Variants in CDC73 observed in about 807,000 individuals in gnomAD.
CDC73 encodes the protein cell division cycle 73, also known as parafibromin.
CDC73 carries 21 observed loss-of-function variants against 83.7 expected under a neutral mutation model. The ratio of observed to expected loss-of-function variants is 0.25; its 90% confidence interval spans 0.18 to 0.36. CDC73 has a LOEUF of 0.36. Ranked by LOEUF, CDC73 falls within the 10% of genes least tolerant of loss-of-function variation. The pLI, the probability that CDC73 is intolerant of heterozygous loss-of-function variation, is 1.00. For missense variants in CDC73, 342 were observed against 653.3 expected, an observed-to-expected ratio of 0.52 and a Z score of 5.19; for synonymous variants, 224 against 212.9, an observed-to-expected ratio of 1.05 and a Z score of -0.45.
At chr1:193,125,702 G>T (rs545830712) in intron 2 of CDC73, among the ~76,000 whole-genome samples, 7 of 151,398 alleles carry the variant, frequency 4.6e-5, no homozygotes, top group Non-Finnish European at 1.0e-4. Context: ...TCAGTCTCCT[G>T]AGAAACTGGG....
rs1553287416 is a variant in CDC73, at chr1:193,204,287, A to ATATT, written c.1030+436_1030+437insATTT. On this transcript the variant is annotated intron_variant, in intron 11 of 16. Coordinates refer to ENST00000367435, the MANE Select transcript of CDC73 (RefSeq NM_024529.5). ...TGTGTGTGTGTGTGTGTATATATAT[A>ATATT]TTTTTTTTTTTTCTTTTTTTGAGAC... 3.0e-5 allele frequency among the ~76,000 whole-genome samples: 4 copies of ATATT among 133,976 alleles called. No individual in the cohort carries two copies. In the East Asian group the frequency reaches 8.6e-4, roughly 29 times the overall value. 87.9% of individuals were successfully genotyped at this position (133,976 alleles called of 152,430 possible).
rs1675777972 is a variant in CDC73, at chr1:193,135,558, T to C, written c.392T>C (p.Val131Ala). The C allele has an allele frequency of 6.2e-7, 1 of 1,613,340 alleles. No homozygotes were observed. The highest frequency in any genetic ancestry group is 8.5e-7 in the Non-Finnish European group (1 of 1,179,510). The change falls in exon 5 of 17, where the codon GTT (valine) becomes GCT (alanine). Residue 131 changes from valine (V) to alanine (A), a missense_variant. Physicochemically the swap from Val to Ala is moderately conservative, Grantham distance 64 (BLOSUM62 0). Transcript: ENST00000367435. The stretch of plus-strand genomic sequence containing the variant: ...ATAGTCAAACGAGCTGCAGATGAAG[T>C]TTTAGCAGAAGCAAAGAAACCACGA... ...STQVKRAADEVLAEAKKPRIE... is the reference protein window; with the variant it reads ...STQVKRAADEALAEAKKPRIE...
chr1:193,202,500 C>T (rs529960213), intron 10 of CDC73, among the ~76,000 whole-genome samples: 2 of 151,562 alleles, frequency 1.3e-5, no homozygotes, highest in Non-Finnish European at 2.9e-5. Flanking sequence ...AACAATACAT[C>T]TATGAAACCA....
At chr1:193,234,645 A>G (rs1211304181) in intron 14 of CDC73, among the ~76,000 whole-genome samples, 3 of 152,036 alleles carry the variant, frequency 2.0e-5, no homozygotes, top group African/African-American at 7.2e-5. Context: ...CCAAGAATTC[A>G]TGGGGAGTAA....
intron 10 of CDC73, among the ~76,000 whole-genome samples, chr1:193,161,603 A>T (rs1439592392): frequency 3.0e-5 from 3 of 100,896 alleles, no homozygotes; most frequent in East Asian, 2.3e-4. Context: ...ATAATATATA[A>T]TAGATAATAT....
chr1:193,216,137 C>G (rs1350199330), intron 13 of CDC73, among the ~76,000 whole-genome samples: 1 of 151,944 alleles, frequency 6.6e-6, no homozygotes, highest in Non-Finnish European at 1.5e-5. Flanking sequence ...AAAATCCATG[C>G]AAAAGATCAA....
chr1:193,212,518 G>C, intron 13 of CDC73, 41 bp downstream of exon 13: 2 of 1,227,748 alleles, frequency 1.6e-6, no homozygotes, highest in Non-Finnish European at 2.4e-6. Flanking sequence ...AGGATATTGA[G>C]ATACCATTGG....
chr1:193,247,195 C>T (rs761476905), intron 15 of CDC73, among the ~76,000 whole-genome samples: 60 of 152,122 alleles, frequency 3.9e-4, no homozygotes, highest in Non-Finnish European at 5.7e-4. Flanking sequence ...GTGTCCCTTT[C>T]GTATTGGTGA....
rs200603992 is a variant in CDC73 at position 193,138,162 on chromosome 1, T to C, written c.501T>C (p.Thr167=). 1.5e-5 allele frequency: 24 copies of C among 1,608,202 alleles called. No individual in the cohort carries two copies. Among genetic ancestry groups the C allele is most frequent in the Non-Finnish European group, 1.9e-5 (22 of 1,174,602 alleles). Reference sequence around the variant, plus strand: ...GTCACAAAGAAGGGATTGTACAGACTGAACAGATTAGGTAAGAATTCTTTT... The same window carrying C: ...GTCACAAAGAAGGGATTGTACAGACCGAACAGATTAGGTAAGAATTCTTTT... ...LEGHKEGIVQ[T]EQIRSLSEAM... The change falls in exon 6 of 17, where the codon ACT becomes ACC. Residue 167 remains threonine (T), a synonymous_variant. Coordinates refer to ENST00000367435, the MANE Select transcript of CDC73 (RefSeq NM_024529.5).
intron 13 of CDC73, among the ~76,000 whole-genome samples, chr1:193,223,575 T>G (rs1677509850): frequency 6.6e-6 from 1 of 152,104 alleles, no homozygotes; most frequent in South Asian, 2.1e-4. Context: ...TATTTCTAGT[T>G]TACCATTATG....
At chr1:193,192,793 A>G (rs1676940818) in intron 10 of CDC73, among the ~76,000 whole-genome samples, 1 of 152,250 alleles carries the variant, frequency 6.6e-6, no homozygotes, top group Non-Finnish European at 1.5e-5. Flanking sequence ...TGACAAAGGC[A>G]TTGAGTCAAC....
At chr1:193,195,350 G>A (rs1449846872) in intron 10 of CDC73, among the ~76,000 whole-genome samples, 4 of 151,904 alleles carry the variant, frequency 2.6e-5, no homozygotes, top group Admixed American at 2.0e-4. Context: ...TCCTTTTTAA[G>A]GCTAAATGAC....
chr1:193,172,745 G>T (rs1676536908), intron 10 of CDC73, among the ~76,000 whole-genome samples: 1 of 152,060 alleles, frequency 6.6e-6, no homozygotes, highest in Non-Finnish European at 1.5e-5. Flanking sequence ...CCTGTGTTCT[G>T]AATTGTCAGG....
At chr1:193,185,802 A>G (rs1021450824) in intron 10 of CDC73, among the ~76,000 whole-genome samples, 2 of 152,222 alleles carry the variant, frequency 1.3e-5, no homozygotes, top group East Asian at 1.9e-4. Flanking sequence ...TCTGATGTCT[A>G]TTACCCAGAA....
chr1:193,143,402 A>G (rs973964228), intron 7 of CDC73, among the ~76,000 whole-genome samples: 4 of 152,190 alleles, frequency 2.6e-5, no homozygotes, highest in African/African-American at 9.6e-5. Context: ...ATAGTAGAAG[A>G]ATAAAAACAG....
intron 13 of CDC73, among the ~76,000 whole-genome samples, chr1:193,221,700 T>G (rs1202268730): frequency 6.6e-6 from 1 of 152,222 alleles, no homozygotes; most frequent in Non-Finnish European, 1.5e-5. Flanking sequence ...TTTAGTGTCA[T>G]TCTCTTTAGT....
intron 10 of CDC73, among the ~76,000 whole-genome samples, chr1:193,168,226 A>G (rs1457709845): frequency 6.6e-6 from 1 of 152,058 alleles, no homozygotes; most frequent in East Asian, 1.9e-4. Context: ...AGGTACCAGT[A>G]ATTAAAAAAA....
At chr1:193,184,252 T>C (rs890636329) in intron 10 of CDC73, among the ~76,000 whole-genome samples, 1 of 151,916 alleles carries the variant, frequency 6.6e-6, no homozygotes, top group Admixed American at 6.6e-5. Context: ...AAATTCCTTA[T>C]TAAAAGATTC....
chr1:193,199,426 T>A (rs1038106649), intron 10 of CDC73, among the ~76,000 whole-genome samples: 54 of 152,002 alleles, frequency 3.6e-4, no homozygotes, highest in African/African-American at 1.3e-3. Context: ...TGTTTAGAAG[T>A]TCAGGCCGGG....
Sources: allele counts gnomAD v4.1 joint callset (sites outside exome capture counted in the v4.1 genomes callset), GRCh38; gene constraint gnomAD v4.1.1; transcripts MANE v1.5; gene names NCBI Gene and HGNC (gene_info 2026-07-23, HGNC 2026-07-21).